Variants in CIITA observed in about 807,000 individuals in gnomAD.
CIITA encodes class II major histocompatibility complex transactivator.
CIITA carries 72 observed loss-of-function variants against 115.1 expected under a neutral mutation model. That is an observed-to-expected ratio of 0.63 (90% CI 0.52 to 0.76). The LOEUF (loss-of-function observed/expected upper bound fraction) is 0.76. Ranked by LOEUF, CIITA falls within the 30% of genes least tolerant of loss-of-function variation. The pLI is 0.00. For missense variants in CIITA, 1,617 were observed against 1,463.8 expected (o/e 1.10, Z -1.71); for synonymous variants, 763 against 635.6 (o/e 1.20, Z -3.02).
chr16:10,898,836 A>C, intron 4 of CIITA, 89 bp from the exon 5 acceptor site: 3 of 1,593,130 alleles, frequency 1.9e-6, no homozygotes, highest in South Asian at 2.2e-5. Context: ...ATGGGCAGTC[A>C]GACCCCTCTC....
Position 10,942,180 on chromosome 16 carries a change from G to T in CIITA, n.1306G>T. 2.0e-6 allele frequency: 1 copy of T among 495,684 alleles called. No homozygotes were observed. The highest frequency in any genetic ancestry group is 5.0e-5 in the South Asian group (1 of 19,848). 30.7% of individuals were successfully genotyped at this position (495,684 alleles called of 1,614,324 possible). A position where few individuals can be genotyped will look rare whatever the true frequency, so the allele number is the denominator to read the frequency against. On this transcript the variant is annotated non_coding_transcript_exon_variant, in exon 2 of 2. Coordinates refer to the CIITA transcript ENST00000573379. The surrounding 1 kb of genome is among the most constrained non-coding windows in gnomAD (Gnocchi z 5.0). ...TGCGCCCCGACCCCCGAAATGCGCC[G>T]GGCGGGTCACCGCACCCCGAGATGT...
At position 10,922,427 on chromosome 16, in the gene CIITA, C is replaced by T. The variant is rs752458730; in HGVS notation, c.3254C>T (p.Thr1085Met). Residue 1085 changes from threonine to methionine, a missense_variant, in exon 18 of 20, where the codon ACG (threonine) becomes ATG (methionine). Coordinates refer to ENST00000324288, the MANE Select transcript of CIITA (RefSeq NM_000246.4). ...GCCAGCGTCCAGTACAACAAGTTCA[C>T]GGCTGCCGGGGCCCAGCAGCTCGCT... ...RVMDVQYNKFTAAGAQQLAAS... is the reference protein window; with the variant it reads ...RVMDVQYNKFMAAGAQQLAAS... The T allele has an allele frequency of 2.5e-6, 4 of 1,614,226 alleles. No homozygotes were observed. Among genetic ancestry groups the T allele is most frequent in the South Asian group, 1.1e-5 (1 of 91,084 alleles).
rs755306140 is a variant in CIITA, at chr16:10,907,647, G to A, written c.2155G>A (p.Ala719Thr). Residue 719 changes from alanine to threonine, a missense_variant, in exon 11 of 20, where the codon GCC becomes ACC. Ala to Thr is a moderately conservative substitution (Grantham distance 58). Coordinates refer to ENST00000324288, the MANE Select transcript of CIITA (RefSeq NM_000246.4). The surrounding 1 kb of genome is among the most constrained non-coding windows in gnomAD (Gnocchi z 5.0). Reference sequence around the variant, plus strand: ...CTTCCTCCTGCAATGCTTCCTGGGGGCCCTGTGGCTGGCTCTGAGTGGCGA... The same window carrying A: ...CTTCCTCCTGCAATGCTTCCTGGGGACCCTGTGGCTGGCTCTGAGTGGCGA... ...PSFLLQCFLG[A>T]LWLALSGEIK... 5 of 1,614,228 alleles carry A rather than the reference G, an allele frequency of 3.1e-6. No individual in the cohort carries two copies. The Admixed American group carries it at 5.0e-5, about 16-fold the overall frequency.
At chr16:10,899,414 T>C (rs1169257226) in intron 5 of CIITA, among the ~76,000 whole-genome samples, 3 of 152,132 alleles carry the variant, frequency 2.0e-5, no homozygotes, top group Non-Finnish European at 4.4e-5. Context: ...GGCTAAACTG[T>C]CACCTCTTCC....
At position 10,941,470 on chromosome 16, in the gene CIITA, A is replaced by G; in HGVS notation, n.596A>G. 1 of 1,208,498 alleles carries G rather than the reference A, an allele frequency of 8.3e-7. No homozygotes were observed. Among genetic ancestry groups the G allele is most frequent in the Non-Finnish European group, 1.1e-6 (1 of 933,120 alleles). The allele number at this position is 1,208,498 out of a possible 1,614,324, so 74.9% of individuals were successfully genotyped here. ...TAGACCTGGAGGAGGTGAACGGAGG[A>G]GAAGCCTGAGGGAGGGGTGTGTATC... On this transcript the variant is annotated non_coding_transcript_exon_variant, in exon 2 of 2. Transcript: ENST00000573379. The surrounding 1 kb of genome is among the most constrained non-coding windows in gnomAD (Gnocchi z 6.4).
chr16:10,903,218 T>C (rs1258102714), intron 8 of CIITA, among the ~76,000 whole-genome samples: 1 of 152,204 alleles, frequency 6.6e-6, no homozygotes, highest in Non-Finnish European at 1.5e-5. Context: ...TTGCATAGCT[T>C]TCTCTGATTT....
chr16:10,881,619 C>T (rs2036441017), intron 1 of CIITA, among the ~76,000 whole-genome samples: 1 of 152,270 alleles, frequency 6.6e-6, no homozygotes, highest in Non-Finnish European at 1.5e-5. Context: ...TTTGGTTTTG[C>T]TTTTCCGTTT....
chr16:10,882,104 G>A (rs1412551856), intron 1 of CIITA, among the ~76,000 whole-genome samples: 1 of 152,124 alleles, frequency 6.6e-6, no homozygotes, highest in Non-Finnish European at 1.5e-5. Flanking sequence ...CTTGACTATT[G>A]TGAATAATCT....
At position 10,908,068 on chromosome 16, in the gene CIITA, T is replaced by G. The variant is rs750247700; in HGVS notation, c.2576T>G (p.Phe859Cys). The change falls in exon 11 of 20, where the codon TTC becomes TGC. Residue 859 changes from phenylalanine to cysteine, a missense_variant. Phe to Cys is a radical substitution (Grantham distance 205). Coordinates refer to ENST00000324288, the MANE Select transcript of CIITA (RefSeq NM_000246.4). ...GCCTTGGAGGCGGCGGGCCAAGACT[T>G]CTCCCTGGACCTCCGCAGCACTGGC... ...GKALEAAGQD[F>C]SLDLRSTGIC... 5.6e-6 allele frequency: 9 copies of G among 1,612,614 alleles called. No individual in the cohort carries two copies. The highest frequency in any genetic ancestry group is 7.6e-6 in the Non-Finnish European group (9 of 1,179,460).
intron 18 of CIITA, among the ~76,000 whole-genome samples, 189 bp downstream of exon 18, chr16:10,922,679 G>A (rs2040339630): frequency 6.6e-6 from 1 of 152,160 alleles, no homozygotes; most frequent in Non-Finnish European, 1.5e-5. Context: ...CACCCAAGAG[G>A]TTTTGTGAGG....
At position 10,879,873 on chromosome 16, in the gene CIITA, C is replaced by T. The variant is rs1049506176; in HGVS notation, c.52+2491C>T. Among the ~76,000 whole-genome samples, 1 of 152,178 alleles carries T rather than the reference C, an allele frequency of 6.6e-6. No homozygotes were observed. Among genetic ancestry groups the T allele is most frequent in the Non-Finnish European group, 1.5e-5 (1 of 68,022 alleles). ...CTTAAAAGCCGCGGTCCTCCTGAGT[C>T]CCACAGCCCCTCTCCACCCTAGGTG... On this transcript the variant is annotated intron_variant, in intron 1 of 19. Transcript: ENST00000324288. This position sits in a 1 kb window ranked among gnomAD's most constrained non-coding sequence, Gnocchi z 4.3.
At chr16:10,900,127 C>T (rs1379498542) in intron 5 of CIITA, among the ~76,000 whole-genome samples, 1 of 152,108 alleles carries the variant, frequency 6.6e-6, no homozygotes, top group Non-Finnish European at 1.5e-5. Context: ...AAATCTCCCT[C>T]CCACTCCTGT....
intron 1 of CIITA, among the ~76,000 whole-genome samples, chr16:10,882,692 G>A (rs768496496): frequency 6.6e-6 from 1 of 152,192 alleles, no homozygotes; most frequent in Admixed American, 6.5e-5. Flanking sequence ...GGGATCAGGA[G>A]TTCGAGACCA....
chr16:10,938,172 A>G (rs964483096), downstream of CIITA: 2 of 152,180 alleles, frequency 1.3e-5, no homozygotes, highest in African/African-American at 4.8e-5. The surrounding 1 kb of genome is among the most constrained non-coding windows in gnomAD (Gnocchi z 4.9). Flanking sequence ...CCTCACAACA[A>G]GGGAGATTTT....
intron 1 of CIITA, among the ~76,000 whole-genome samples, chr16:10,868,474 C>T (rs2035244851): frequency 6.6e-6 from 1 of 152,210 alleles, no homozygotes; most frequent in Non-Finnish European, 1.5e-5. Flanking sequence ...CAAATTCTCA[C>T]CCAAGTGGTT....
intron 1 of CIITA, among the ~76,000 whole-genome samples, chr16:10,886,323 C>T (rs981233919): frequency 2.0e-5 from 3 of 152,204 alleles, no homozygotes; most frequent in East Asian, 1.9e-4. Context: ...CTTCTAATCA[C>T]GGACATTGTT....
At position 10,895,576 on chromosome 16, in the gene CIITA, A is replaced by G. The variant is rs1268410808; in HGVS notation, c.200-93A>G. The G allele has an allele frequency of 5.8e-6, 9 of 1,561,756 alleles. No homozygotes were observed. The Admixed American group carries it at 1.2e-4, about 21-fold the overall frequency. The stretch of plus-strand genomic sequence containing the variant: ...TGTGGGACGCTCTCTGCAGATGGGG[A>G]TGATCTCCCAGCCCTGCCCCGCCTC... On this transcript the variant is annotated intron_variant, in intron 2 of 19. Transcript: ENST00000324288.
At chr16:10,913,679 C>A (rs1038372500) in intron 13 of CIITA, among the ~76,000 whole-genome samples, 4 of 151,718 alleles carry the variant, frequency 2.6e-5, no homozygotes, top group Non-Finnish European at 4.4e-5. Flanking sequence ...GTGGCTTATG[C>A]CTGTAATCCC....
At position 10,901,720 on chromosome 16, in the gene CIITA, A is replaced by G. The variant is rs140385291; in HGVS notation, c.481+162A>G. On this transcript the variant is annotated intron_variant, in intron 6 of 19. Transcript: ENST00000324288. This position sits in a 1 kb window ranked among gnomAD's most constrained non-coding sequence, Gnocchi z 6.8. Reference sequence around the variant, plus strand: ...AGCTTGGGGTCCCTTAGAGTCCTCTAAGGGGCTCACGACTGTTTGTGGAAG... The same window carrying G: ...AGCTTGGGGTCCCTTAGAGTCCTCTGAGGGGCTCACGACTGTTTGTGGAAG... The G allele has an allele frequency of 1.2e-3, 938 of 769,438 alleles. 12 individuals carry two copies. The African/African-American group carries it at 0.014, about 12-fold the overall frequency. The allele number at this position is 769,438 out of a possible 1,614,324, so 47.7% of individuals were successfully genotyped here.
Sources: gnomAD v4.1 joint callset for allele counts (sites outside exome capture counted in the v4.1 genomes callset) on GRCh38, gnomAD v4.1.1 for gene constraint, Gnocchi (gnomAD v3.1) non-coding constraint, MANE v1.5 for transcripts, NCBI Gene and HGNC (gene_info 2026-07-23, HGNC 2026-07-21) for gene names.